Variants in ATP2A2 observed in about 807,000 individuals in gnomAD.
ATP2A2 encodes sarcoplasmic/endoplasmic reticulum calcium ATPase 2.
ATP2A2 carries 14 observed loss-of-function variants against 109.3 expected under a neutral mutation model. The ratio of observed to expected loss-of-function variants is 0.13; its 90% CI spans 0.08 to 0.20. The LOEUF (loss-of-function observed/expected upper bound fraction) is 0.20. Among genes scored for constraint, ATP2A2 ranks in the 10% least tolerant of loss-of-function variants. ATP2A2 has a pLI of 1.00. For synonymous variants in ATP2A2, 506 were observed against 490.9 expected (o/e 1.03, Z -0.41); for missense variants, 657 against 1,321.6 (o/e 0.50, Z 7.80).
Position 110,347,714 on chromosome 12 carries a change from T to C in ATP2A2, c.*1244T>C, listed in dbSNP as rs1288103204. 4.3e-6 allele frequency: 5 copies of C among 1,160,604 alleles called. No individual in the cohort carries two copies. The highest frequency in any genetic ancestry group is 5.4e-6 in the Non-Finnish European group (5 of 927,328). The allele number at this position is 1,160,604 out of a possible 1,614,324, so 71.9% of individuals were successfully genotyped here. A position where few individuals can be genotyped will look rare whatever the true frequency, so the allele number is the denominator to read the frequency against. On this transcript the variant is annotated 3_prime_UTR_variant, in exon 20 of 20. Coordinates refer to ENST00000539276, the MANE Select transcript of ATP2A2 (RefSeq NM_170665.4). ...TGTTTGCGCATGTTCGAGATGAGTC[T>C]CACCAACAGTGTGTAAGTCATTAAC...
intron 18 of ATP2A2, chr12:110,345,800 A>G (rs984029443): frequency 1.5e-6 from 1 of 665,684 alleles, no homozygotes; most frequent in South Asian, 1.7e-5. Flanking sequence ...TGCTATGCCA[A>G]AACATAGATA....
chr12:110,295,626 T>C (rs886443857), intron 4 of ATP2A2, among the ~76,000 whole-genome samples: 12 of 152,224 alleles, frequency 7.9e-5, no homozygotes, highest in African/African-American at 2.9e-4. Context: ...TTTTTTATAC[T>C]TTTTCTGGGG....
Position 110,307,365 on chromosome 12 carries a change from G to A in ATP2A2, c.463+10628G>A, listed in dbSNP as rs542530905. On this transcript the variant is annotated intron_variant, in intron 5 of 19. Coordinates refer to ENST00000539276, the MANE Select transcript of ATP2A2 (RefSeq NM_170665.4). ...CCCACCTGAGCCTTCCAGGTTAGCT[G>A]GGACTGTAGGCACACACCACTATGA... 2.0e-5 allele frequency among the ~76,000 whole-genome samples: 3 copies of A among 151,742 alleles called. No individual in the cohort carries two copies. The East Asian group carries it at 5.8e-4, about 29-fold the overall frequency.
intron 11 of ATP2A2, among the ~76,000 whole-genome samples, chr12:110,336,332 C>T (rs1195841161): frequency 6.6e-6 from 1 of 152,140 alleles, no homozygotes; most frequent in Non-Finnish European, 1.5e-5. Context: ...TCATACACAG[C>T]TGTATAAAGG....
At chr12:110,343,504 TC>T (rs1443497078) in intron 16 of ATP2A2, 70 bp downstream of exon 16, 58 of 1,562,090 alleles carry the variant, frequency 3.7e-5, no homozygotes, top group Non-Finnish European at 4.8e-5. Context: ...TGTAAATTCA[TC>T]CCTTAAAAGC....
At chr12:110,324,900 T>G (rs1877623559) in intron 6 of ATP2A2, among the ~76,000 whole-genome samples, 1 of 151,276 alleles carries the variant, frequency 6.6e-6, no homozygotes, top group African/African-American at 2.4e-5. Flanking sequence ...CAGTGCAGCC[T>G]CTGCTTCCGG....
chr12:110,336,801 G>T (rs749695917), intron 11 of ATP2A2, among the ~76,000 whole-genome samples: 1 of 152,172 alleles, frequency 6.6e-6, no homozygotes, highest in Non-Finnish European at 1.5e-5. Flanking sequence ...CACTCCTTTG[G>T]CTTCTTCCCT....
Position 110,281,868 on chromosome 12 carries a change from G to A in ATP2A2, c.79G>A (p.Glu27Lys). ...CAACGAGAGTACGGGGCTGAGCCTG[G>A]AACAGGTCAAGAAGCTTAAGGAGAG... Reference protein sequence around the residue: ...GVNESTGLSLEQVKKLKERWG... With the variant: ...GVNESTGLSLKQVKKLKERWG... Residue 27 changes from glutamate (E) to lysine (K), a missense_variant, in exon 1 of 20, where the codon GAA becomes AAA. Glu to Lys is a moderately conservative substitution (Grantham distance 56). Transcript: ENST00000539276. 1.3e-6 allele frequency: 2 copies of A among 1,579,610 alleles called. No homozygotes were observed. The highest frequency in any genetic ancestry group is 1.7e-6 in the Non-Finnish European group (2 of 1,164,836).
At chr12:110,345,604 A>T in intron 18 of ATP2A2, 1 of 724,174 alleles carries the variant, frequency 1.4e-6, no homozygotes, top group Admixed American at 2.7e-5. Context: ...CCTTAAAAGA[A>T]ACCGTGGGGG....
Position 110,339,206 on chromosome 12 carries a change from G to T in ATP2A2, c.1420-75G>T. ...ATTCCTAGCATCTGTCATGTAATAG[G>T]TGTGCTTACTGCTTGTTAGGTAAAA... On this transcript the variant is annotated intron_variant, in intron 11 of 19. Transcript: ENST00000539276. The surrounding 1 kb of genome is among the most constrained non-coding windows in gnomAD (Gnocchi z 4.4). 6.4e-7 allele frequency: 1 copy of T among 1,573,852 alleles called. No homozygotes were observed.
intron 5 of ATP2A2, among the ~76,000 whole-genome samples, chr12:110,302,975 C>T (rs1566210815): frequency 1.3e-5 from 2 of 152,104 alleles, no homozygotes; most frequent in East Asian, 1.9e-4. Context: ...AAATTGTGAC[C>T]TTTTTAACTG....
chr12:110,297,390 C>G (rs747755275), intron 5 of ATP2A2, among the ~76,000 whole-genome samples: 1 of 147,160 alleles, frequency 6.8e-6, no homozygotes, highest in Non-Finnish European at 1.5e-5. Flanking sequence ...GAGCTGAGAT[C>G]GCACCACTGC....
intron 8 of ATP2A2, among the ~76,000 whole-genome samples, chr12:110,328,226 T>C (rs1052768070): frequency 1.3e-5 from 2 of 151,984 alleles, no homozygotes; most frequent in South Asian, 2.1e-4. Flanking sequence ...ATGGCTGATA[T>C]ACTTGTATTA....
chr12:110,282,829 A>G, intron 3 of ATP2A2, 34 bp downstream of exon 3: 2 of 1,538,360 alleles, frequency 1.3e-6, no homozygotes, highest in Non-Finnish European at 1.8e-6. Flanking sequence ...CTTTCCCCCC[A>G]AAAGCTGAAA....
intron 5 of ATP2A2, among the ~76,000 whole-genome samples, chr12:110,302,706 C>T (rs1190099131): frequency 6.6e-6 from 1 of 151,960 alleles, no homozygotes; most frequent in Admixed American, 6.6e-5. Flanking sequence ...TCAAGTGATT[C>T]TTGTGCCTCA....
In ATP2A2 at chr12:110,345,293, C is replaced by T. The variant is rs752766104; in HGVS notation, c.2652C>T (p.Gly884=). 4 of 1,614,114 alleles carry T rather than the reference C, an allele frequency of 2.5e-6. No individual in the cohort carries two copies. Among genetic ancestry groups the T allele is most frequent in the South Asian group, 2.2e-5 (2 of 91,076 alleles). The change falls in exon 18 of 20, where the codon GGC becomes GGT. Residue 884 remains glycine (G), a synonymous_variant. Coordinates refer to ENST00000539276, the MANE Select transcript of ATP2A2 (RefSeq NM_170665.4). ...AAGAGGACAACCCGGACTTTGAAGG[C>T]GTGGATTGTGCAATCTTTGAATCCC... The part of the protein sequence containing the change: ...QCKEDNPDFE[G]VDCAIFESPY...
chr12:110,282,682 C>CA (rs1446669182), intron 2 of ATP2A2, 31 bp from the exon 3 acceptor site: 1 of 1,613,268 alleles, frequency 6.2e-7, no homozygotes, highest in Admixed American at 1.7e-5. Context: ...GGTAAGATGA[C>CA]AGTTAAAACA....
chr12:110,346,182 C>T lies in ATP2A2; in HGVS notation c.2860-19C>T, dbSNP rs374257676. The T allele has an allele frequency of 2.4e-5, 38 of 1,613,918 alleles. No individual in the cohort carries two copies. The highest frequency in any genetic ancestry group is 3.3e-5 in the Admixed American group (2 of 60,000). The stretch of plus-strand genomic sequence containing the variant: ...TCCAGGGGAGGCTGGAGGCGTGACA[C>T]GTCTTCCCTGTGTGTCAGCTCATCT... On this transcript the variant is annotated intron_variant, in intron 19 of 19. Transcript: ENST00000539276.
Position 110,347,291 on chromosome 12 carries a change from A to AAAAAT in ATP2A2, c.*826_*830dup. 7.9e-7 allele frequency: 1 copy of AAAAAT among 1,260,984 alleles called. No homozygotes were observed. The highest frequency in any genetic ancestry group is 1.0e-6 in the Non-Finnish European group (1 of 971,832). The allele number at this position is 1,260,984 out of a possible 1,614,324, so 78.1% of individuals were successfully genotyped here. A position where few individuals can be genotyped will look rare whatever the true frequency, so the allele number is the denominator to read the frequency against. On this transcript the variant is annotated 3_prime_UTR_variant, in exon 20 of 20. Coordinates refer to ENST00000539276, the MANE Select transcript of ATP2A2 (RefSeq NM_170665.4). ...TCAGTGGCACGTCATCTAGTTTTAA[A>AAAAAT]AAAATAAAACATTTTAAATGGACAG...
Sources: gnomAD v4.1 joint callset for allele counts (sites outside exome capture counted in the v4.1 genomes callset) on GRCh38, gnomAD v4.1.1 for gene constraint, Gnocchi (gnomAD v3.1) non-coding constraint, MANE v1.5 for transcripts, NCBI Gene and HGNC (gene_info 2026-07-23, HGNC 2026-07-21) for gene names.